The following CTNND2 variants were observed in gnomAD, a reference collection of about 807,000 sequenced individuals.
CTNND2 encodes the protein catenin delta 2.
Under a neutral mutation model 144.4 loss-of-function variants are expected in CTNND2, and 22 were observed. The ratio of observed to expected loss-of-function variants is 0.15; its 90% CI spans 0.11 to 0.22. The LOEUF (loss-of-function observed/expected upper bound fraction) is 0.22, where lower values mean the gene tolerates loss of function less well. CTNND2 is among the 10% of genes least tolerant of loss of function. The probability of loss-of-function intolerance (pLI) is 1.00; values close to 1 mark genes in which losing one functional copy is unlikely to be tolerated. For synonymous variants in CTNND2, 751 were observed against 695.6 expected, an observed-to-expected ratio of 1.08 and a Z score of -1.25; for missense variants, 1,353 against 1,618.8, an observed-to-expected ratio of 0.84 and a Z score of 2.82.
Position 11,297,679 on chromosome 5 carries a change from T to C in CTNND2, c.1628+48693A>G, listed in dbSNP as rs963141277. ...TCATAGTAAAAAGCTCTTTGAGGGC[T>C]TCCATAATTTTTAAGAGTGTAAGGG... On this transcript the variant is annotated intron_variant, in intron 9 of 21. Transcript: ENST00000304623. Among the ~76,000 whole-genome samples the C allele has an allele frequency of 2.6e-5, 4 of 152,152 alleles. No individual in the cohort carries two copies. The East Asian group carries it at 7.7e-4, about 29-fold the overall frequency.
At position 11,464,896 on chromosome 5, in the gene CTNND2, T is replaced by C. The variant is rs544207062; in HGVS notation, c.288-52827A>G. ...GATGTGGGTTGTTCAATCATTGTGA[T>C]CATATTTATTTTAAATTCATAACAA... On this transcript the variant is annotated intron_variant, in intron 3 of 21. Coordinates refer to ENST00000304623, the MANE Select transcript of CTNND2 (RefSeq NM_001332.4). Among the ~76,000 whole-genome samples, 3 of 152,302 alleles carry C rather than the reference T, an allele frequency of 2.0e-5. No homozygotes were observed. In the East Asian group the frequency reaches 5.8e-4, roughly 29 times the overall value.
At chr5:11,898,333 T>C (rs1560982695) in intron 1 of CTNND2, among the ~76,000 whole-genome samples, 1 of 152,240 alleles carries the variant, frequency 6.6e-6, no homozygotes, top group Non-Finnish European at 1.5e-5. Context: ...TTTATGTAAT[T>C]GCATATTTAA....
At chr5:11,699,017 CAT>C (rs566414139) in intron 2 of CTNND2, among the ~76,000 whole-genome samples, 3 of 142,558 alleles carry the variant, frequency 2.1e-5, no homozygotes, top group African/African-American at 5.9e-5. Context: ...AACTATATAT[CAT>C]ATATATATAC....
chr5:11,063,276 G>T (rs1314891281), intron 16 of CTNND2, among the ~76,000 whole-genome samples: 2 of 152,022 alleles, frequency 1.3e-5, no homozygotes, highest in Non-Finnish European at 2.9e-5. Context: ...TATTATTTTT[G>T]AATATATGAA....
chr5:11,348,320 G>T (rs1349038714), intron 8 of CTNND2, among the ~76,000 whole-genome samples: 1 of 151,672 alleles, frequency 6.6e-6, no homozygotes, highest in Admixed American at 6.6e-5. Flanking sequence ...CTTATATTAT[G>T]CTGAAAGGGG....
intron 9 of CTNND2, among the ~76,000 whole-genome samples, chr5:11,312,684 A>ACCCTCCC (rs1751107597): frequency 6.9e-6 from 1 of 145,416 alleles, no homozygotes; most frequent in Non-Finnish European, 1.5e-5. Flanking sequence ...ACACTCACAC[A>ACCCTCCC]CACTCCCCAT....
rs149857596 is a variant in CTNND2 at position 11,756,183 on chromosome 5, C to T, written c.38-23911G>A. Among the ~76,000 whole-genome samples, 241 of 151,644 alleles carry T rather than the reference C, an allele frequency of 1.6e-3. 1 individual carries two copies. Among genetic ancestry groups the T allele is most frequent in the African/African-American group, 5.6e-3 (231 of 41,452 alleles). ...AAAATAATTTTAAACAGTTATAAAG[C>T]CTAGGCTGCAAGCACTACAAAATTA... On this transcript the variant is annotated intron_variant, in intron 1 of 21. Coordinates refer to ENST00000304623, the MANE Select transcript of CTNND2 (RefSeq NM_001332.4).
At chr5:11,005,413 C>G (rs1740383793) in intron 18 of CTNND2, among the ~76,000 whole-genome samples, 1 of 152,040 alleles carries the variant, frequency 6.6e-6, no homozygotes, top group Non-Finnish European at 1.5e-5. Context: ...ATTCTGAATG[C>G]TTAATGGAAA....
At chr5:11,663,839 T>C (rs1177865661) in intron 2 of CTNND2, among the ~76,000 whole-genome samples, 1 of 152,178 alleles carries the variant, frequency 6.6e-6, no homozygotes, top group African/African-American at 2.4e-5. Context: ...ATCATTGTAT[T>C]CATAGCTAAT....
intron 12 of CTNND2, among the ~76,000 whole-genome samples, chr5:11,129,785 G>C (rs1755377551): frequency 6.6e-6 from 1 of 152,126 alleles, no homozygotes; most frequent in African/African-American, 2.4e-5. Context: ...GAAGTCTGCA[G>C]TGCAGCCTCG....
At chr5:11,257,758 C>G (rs1346011064) in intron 9 of CTNND2, among the ~76,000 whole-genome samples, 1 of 152,190 alleles carries the variant, frequency 6.6e-6, no homozygotes, top group Non-Finnish European at 1.5e-5. Flanking sequence ...GGTTGATGGG[C>G]TTTCTACAGC....
At chr5:11,439,774 A>G (rs1026126698) in intron 3 of CTNND2, among the ~76,000 whole-genome samples, 2 of 150,976 alleles carry the variant, frequency 1.3e-5, no homozygotes, top group African/African-American at 4.9e-5. Flanking sequence ...CTATCTATCT[A>G]TCTATCTATC....
chr5:11,767,733 G>A (rs889653300), intron 1 of CTNND2, among the ~76,000 whole-genome samples: 3 of 152,132 alleles, frequency 2.0e-5, no homozygotes. Context: ...TGACCACTTT[G>A]AAGAAGAGGC....
intron 18 of CTNND2, among the ~76,000 whole-genome samples, chr5:11,001,319 G>C (rs1263809056): frequency 1.3e-5 from 2 of 152,108 alleles, no homozygotes; most frequent in African/African-American, 4.8e-5. Context: ...GGTTTGGGGG[G>C]AGTTTTCAGT....
At chr5:11,690,890 C>T (rs1006430291) in intron 2 of CTNND2, among the ~76,000 whole-genome samples, 2 of 151,148 alleles carry the variant, frequency 1.3e-5, no homozygotes, top group African/African-American at 4.9e-5. Flanking sequence ...TTAATAACTC[C>T]ATGTAGAAGG....
chr5:11,854,768 G>A (rs149806074), intron 1 of CTNND2, among the ~76,000 whole-genome samples: 4 of 152,294 alleles, frequency 2.6e-5, no homozygotes, highest in Admixed American at 1.3e-4. Context: ...TCGTTCTAAC[G>A]ATTTGGCCAC....
chr5:11,759,018 A>C (rs1436979002), intron 1 of CTNND2, among the ~76,000 whole-genome samples: 1 of 152,090 alleles, frequency 6.6e-6, no homozygotes, highest in Non-Finnish European at 1.5e-5. Context: ...CAAATTTAAA[A>C]TAAAACAAGA....
chr5:11,464,384 G>C (rs981210752), intron 3 of CTNND2, among the ~76,000 whole-genome samples: 1 of 152,124 alleles, frequency 6.6e-6, no homozygotes, highest in Non-Finnish European at 1.5e-5. Flanking sequence ...AGAGAGTCCT[G>C]GGCAGAAGAA....
intron 11 of CTNND2, among the ~76,000 whole-genome samples, chr5:11,163,635 T>C (rs1759012672): frequency 6.6e-6 from 1 of 152,180 alleles, no homozygotes; most frequent in African/African-American, 2.4e-5. Flanking sequence ...GATGGACTCA[T>C]TTTTCCCTCT....
Sources: allele counts gnomAD v4.1 joint callset (sites outside exome capture counted in the v4.1 genomes callset), GRCh38; gene constraint gnomAD v4.1.1; transcripts MANE v1.5; gene names NCBI Gene and HGNC (gene_info 2026-07-23, HGNC 2026-07-21).